Variants in KCNQ1OT1 observed in about 807,000 individuals in gnomAD.
KCNQ1OT1 encodes the protein KCNQ1 antisense RNA 2 (non-protein coding).
rs1850213229 is a variant in KCNQ1OT1, at chr11:2,672,938, G to A, written n.27057C>T. 1.5e-5 allele frequency: 6 copies of A among 398,600 alleles called. No individual in the cohort carries two copies. The Admixed American group carries it at 2.6e-4, about 18-fold the overall frequency. 24.7% of individuals were successfully genotyped at this position (398,600 alleles called of 1,614,324 possible). On this transcript the variant is annotated non_coding_transcript_exon_variant, in exon 1 of 1. Transcript: ENST00000597346. ...GGGCTGGCCATGCAGGCCCACCACA[G>A]GTGGCAAGGAATCATGAACCCCAGC...
At chr11:2,696,726 A>G (rs1261338188) in exon 1 of KCNQ1OT1, 5 of 398,446 alleles carry the variant, frequency 1.3e-5, no homozygotes, top group Non-Finnish European at 2.2e-5. Context: ...ATCTCCCTCT[A>G]TATCCTCCAA....
rs1275939960 is a variant in KCNQ1OT1, at chr11:2,695,809, G to A, written n.4186C>T. The A allele has an allele frequency of 1.0e-5, 4 of 398,472 alleles. No individual in the cohort carries two copies. The highest frequency in any genetic ancestry group is 1.8e-5 in the Non-Finnish European group (4 of 226,074). The allele number at this position is 398,472 out of a possible 1,614,324, so 24.7% of individuals were successfully genotyped here. A position where few individuals can be genotyped will look rare whatever the true frequency, so the allele number is the denominator to read the frequency against. ...GCTTCTCCTATGAAGAATAGCTGTT[G>A]CTTTCATTTACATTTCTCTGATAAC... On this transcript the variant is annotated non_coding_transcript_exon_variant, in exon 1 of 1. Transcript: ENST00000597346. This position sits in a 1 kb window ranked among gnomAD's most constrained non-coding sequence, Gnocchi z 5.2.
At chr11:2,650,325 T>G (rs1033764771) in exon 1 of KCNQ1OT1, 3 of 398,456 alleles carry the variant, frequency 7.5e-6, no homozygotes, top group South Asian at 1.3e-4. Flanking sequence ...CTTGTTTTTT[T>G]CCCCCCAAGT....
Position 2,669,921 on chromosome 11 carries a change from C to A in KCNQ1OT1, n.30074G>T, listed in dbSNP as rs905806727. 2.5e-6 allele frequency: 1 copy of A among 398,584 alleles called. No individual in the cohort carries two copies. The allele number at this position is 398,584 out of a possible 1,614,324, so 24.7% of individuals were successfully genotyped here. ...CCTAGAGGCCTGAGAGTCCCAAGCT[C>A]CAGGACAGTCTGGAGTCAGGTGGAG... is the stretch of plus-strand genomic sequence containing the variant. On this transcript the variant is annotated non_coding_transcript_exon_variant, in exon 1 of 1. Coordinates refer to ENST00000597346, the Ensembl canonical transcript of KCNQ1OT1. This position sits in a 1 kb window ranked among gnomAD's most constrained non-coding sequence, Gnocchi z 5.6.
chr11:2,618,236 G>A (rs563743131), exon 1 of KCNQ1OT1: 1 of 398,374 alleles, frequency 2.5e-6, no homozygotes, highest in Non-Finnish European at 4.4e-6. Context: ...TTGGCTTCCC[G>A]GGGCCACACT....
In KCNQ1OT1 at chr11:2,654,859, G is replaced by C; in HGVS notation, n.45136C>G. 2.5e-6 allele frequency: 1 copy of C among 398,658 alleles called. No homozygotes were observed. The highest frequency in any genetic ancestry group is 4.4e-6 in the Non-Finnish European group (1 of 226,106). 24.7% of individuals were successfully genotyped at this position (398,658 alleles called of 1,614,324 possible). A position where few individuals can be genotyped will look rare whatever the true frequency, so the allele number is the denominator to read the frequency against. On this transcript the variant is annotated non_coding_transcript_exon_variant, in exon 1 of 1. Transcript: ENST00000597346. This position sits in a 1 kb window ranked among gnomAD's most constrained non-coding sequence, Gnocchi z 6.4. ...TAGCCTCATGGGCAGCTCCAGGCCA[G>C]GTGGAGGGACATATTCTGGCAACTC...
In KCNQ1OT1 at chr11:2,690,877, A is replaced by T; in HGVS notation, n.9118T>A. 2.5e-6 allele frequency: 1 copy of T among 398,570 alleles called. No individual in the cohort carries two copies. Among genetic ancestry groups the T allele is most frequent in the East Asian group, 3.6e-5 (1 of 28,066 alleles). 24.7% of individuals were successfully genotyped at this position (398,570 alleles called of 1,614,324 possible). On this transcript the variant is annotated non_coding_transcript_exon_variant, in exon 1 of 1. Transcript: ENST00000597346. The surrounding 1 kb of genome is among the most constrained non-coding windows in gnomAD (Gnocchi z 5.1). ...GTACCTTTAGGGACACAGGAGTGTAAGCCACTGTTTCCGTCTGGGTTTTGT... is the reference window on the plus strand; with the variant it reads ...GTACCTTTAGGGACACAGGAGTGTATGCCACTGTTTCCGTCTGGGTTTTGT...
chr11:2,647,192 G>T lies in KCNQ1OT1; in HGVS notation n.52803C>A. 2 of 398,198 alleles carry T rather than the reference G, an allele frequency of 5.0e-6. No homozygotes were observed. Among genetic ancestry groups the T allele is most frequent in the South Asian group, 2.6e-4 (2 of 7,808 alleles). 24.7% of individuals were successfully genotyped at this position (398,198 alleles called of 1,614,324 possible). A position where few individuals can be genotyped will look rare whatever the true frequency, so the allele number is the denominator to read the frequency against. On this transcript the variant is annotated non_coding_transcript_exon_variant, in exon 1 of 1. Coordinates refer to ENST00000597346, the Ensembl canonical transcript of KCNQ1OT1. This position sits in a 1 kb window ranked among gnomAD's most constrained non-coding sequence, Gnocchi z 4.0. ...TTTTTTTTTATCATGAAGAGATTTT[G>T]AATTTTATCAGATGCTTTTTCTGCA...
rs1376850906 is a variant in KCNQ1OT1 at position 2,623,407 on chromosome 11, C to T, written n.76588G>A. The T allele has an allele frequency of 2.5e-6, 1 of 398,450 alleles. No individual in the cohort carries two copies. The highest frequency in any genetic ancestry group is 4.4e-6 in the Non-Finnish European group (1 of 226,058). The allele number at this position is 398,450 out of a possible 1,614,324, so 24.7% of individuals were successfully genotyped here. A position where few individuals can be genotyped will look rare whatever the true frequency, so the allele number is the denominator to read the frequency against. ...ACATTTTCACTGCCCTAAAAGTACT[C>T]TGTGCACTGCCTATTCAACCCTTCT... is the stretch of plus-strand genomic sequence containing the variant. On this transcript the variant is annotated non_coding_transcript_exon_variant, in exon 1 of 1. Transcript: ENST00000597346. This position sits in a 1 kb window ranked among gnomAD's most constrained non-coding sequence, Gnocchi z 5.2.
In KCNQ1OT1 at chr11:2,698,598, G is replaced by A. The variant is rs191449802; in HGVS notation, n.1397C>T. On this transcript the variant is annotated non_coding_transcript_exon_variant, in exon 1 of 1. Transcript: ENST00000597346. The surrounding 1 kb of genome is among the most constrained non-coding windows in gnomAD (Gnocchi z 5.1). ...AATCCCCACCTAGAGGCAGAACTTC[G>A]ACTTCAATTCCTGACTCCCATACCC... The A allele has an allele frequency of 2.3e-5, 9 of 397,344 alleles. No individual in the cohort carries two copies. The East Asian group carries it at 3.2e-4, about 14-fold the overall frequency. 24.6% of individuals were successfully genotyped at this position (397,344 alleles called of 1,614,324 possible). A position where few individuals can be genotyped will look rare whatever the true frequency, so the allele number is the denominator to read the frequency against.
chr11:2,660,883 C>G (rs1346562746), exon 1 of KCNQ1OT1: 1 of 398,602 alleles, frequency 2.5e-6, no homozygotes. Flanking sequence ...AATATGGCAT[C>G]ATAGTCTGAA....
chr11:2,665,621 G>T, exon 1 of KCNQ1OT1: 3 of 397,436 alleles, frequency 7.5e-6, no homozygotes, highest in Non-Finnish European at 1.3e-5. Context: ...AGGCTGTACG[G>T]CTGTGTCCTC....
exon 1 of KCNQ1OT1, chr11:2,656,001 T>C: frequency 5.0e-6 from 2 of 398,606 alleles, no homozygotes; most frequent in Non-Finnish European, 8.8e-6. Flanking sequence ...ACATTTTAAT[T>C]TCCTAAAACA....
Position 2,669,948 on chromosome 11 carries a change from G to A in KCNQ1OT1, n.30047C>T, listed in dbSNP as rs897141285. On this transcript the variant is annotated non_coding_transcript_exon_variant, in exon 1 of 1. Transcript: ENST00000597346. The surrounding 1 kb of genome is among the most constrained non-coding windows in gnomAD (Gnocchi z 5.6). ...AGGACAGTCTGGAGTCAGGTGGAGGGAAGGGAAGTCTAGAGGTCCCCAAGT... is the reference window on the plus strand; with the variant it reads ...AGGACAGTCTGGAGTCAGGTGGAGGAAAGGGAAGTCTAGAGGTCCCCAAGT... 2 of 398,738 alleles carry A rather than the reference G, an allele frequency of 5.0e-6. No individual in the cohort carries two copies. Among genetic ancestry groups the A allele is most frequent in the Non-Finnish European group, 8.8e-6 (2 of 226,156 alleles). 24.7% of individuals were successfully genotyped at this position (398,738 alleles called of 1,614,324 possible). A position where few individuals can be genotyped will look rare whatever the true frequency, so the allele number is the denominator to read the frequency against.
chr11:2,694,451 A>ACAGC (rs1474680437), exon 1 of KCNQ1OT1: 1 of 398,528 alleles, frequency 2.5e-6, no homozygotes, highest in African/African-American at 2.1e-5. Flanking sequence ...AATATAAATG[A>ACAGC]CAGCCCCTCA....
At chr11:2,689,366 A>G (rs1046342808) in exon 1 of KCNQ1OT1, 1 of 398,534 alleles carries the variant, frequency 2.5e-6, no homozygotes, top group African/African-American at 2.1e-5. Context: ...AGCCTTGGGA[A>G]GAGGTGCTTG....
In KCNQ1OT1 at chr11:2,627,888, C is replaced by G. The variant is rs927539858; in HGVS notation, n.72107G>C. On this transcript the variant is annotated non_coding_transcript_exon_variant, in exon 1 of 1. Coordinates refer to ENST00000597346, the Ensembl canonical transcript of KCNQ1OT1. This position sits in a 1 kb window ranked among gnomAD's most constrained non-coding sequence, Gnocchi z 4.9. ...GCCTCAGCCTCCTGAGTAGCTGGGA[C>G]CACAGTCATGCACCCCCATGCCCAG... is the stretch of plus-strand genomic sequence containing the variant. 20 of 398,630 alleles carry G rather than the reference C, an allele frequency of 5.0e-5. No homozygotes were observed. The highest frequency in any genetic ancestry group is 1.3e-3 in the Middle Eastern group (2 of 1,590). 24.7% of individuals were successfully genotyped at this position (398,630 alleles called of 1,614,324 possible). A position where few individuals can be genotyped will look rare whatever the true frequency, so the allele number is the denominator to read the frequency against.
At position 2,659,542 on chromosome 11, in the gene KCNQ1OT1, A is replaced by G. The variant is rs1849913321; in HGVS notation, n.40453T>C. 2.5e-6 allele frequency: 1 copy of G among 398,446 alleles called. No individual in the cohort carries two copies. The highest frequency in any genetic ancestry group is 1.3e-4 in the South Asian group (1 of 7,864). The allele number at this position is 398,446 out of a possible 1,614,324, so 24.7% of individuals were successfully genotyped here. A position where few individuals can be genotyped will look rare whatever the true frequency, so the allele number is the denominator to read the frequency against. On this transcript the variant is annotated non_coding_transcript_exon_variant, in exon 1 of 1. Transcript: ENST00000597346. The surrounding 1 kb of genome is among the most constrained non-coding windows in gnomAD (Gnocchi z 4.3). ...TCTTCATTGTTTCCAGTATTTGGTA[A>G]TTATGAGCAGAGTTACTATACACAT...
Position 2,647,685 on chromosome 11 carries a change from T to C in KCNQ1OT1, n.52310A>G. ...ATACAATCTCATTCCTTGTTATTGC[T>C]CTGTTCAGATTTTTTTTCTTCCTGG... On this transcript the variant is annotated non_coding_transcript_exon_variant, in exon 1 of 1. Coordinates refer to ENST00000597346, the Ensembl canonical transcript of KCNQ1OT1. The surrounding 1 kb of genome is among the most constrained non-coding windows in gnomAD (Gnocchi z 4.0). 1 of 398,562 alleles carries C rather than the reference T, an allele frequency of 2.5e-6. No individual in the cohort carries two copies. 24.7% of individuals were successfully genotyped at this position (398,562 alleles called of 1,614,324 possible).
Sources: allele counts gnomAD v4.1 joint callset, GRCh38; gene constraint gnomAD v4.1.1; non-coding constraint Gnocchi (gnomAD v3.1); transcripts MANE v1.5; gene names NCBI Gene and HGNC (gene_info 2026-07-23, HGNC 2026-07-21).